DUSP22: variants seen among roughly 807,000 people sequenced by gnomAD.
DUSP22 encodes the protein dual specificity phosphatase 22, also known as dual specificity protein phosphatase 22.
DUSP22 carries 24 observed loss-of-function variants against 24.5 expected under a neutral mutation model. The ratio of observed to expected loss-of-function variants is 0.98; its 90% CI spans 0.71 to 1.38. DUSP22 has a LOEUF of 1.38. Among genes scored for constraint, DUSP22 ranks in the 40% most tolerant of loss-of-function variants. The pLI, the probability that DUSP22 is intolerant of heterozygous loss-of-function variation, is 0.00. For missense variants in DUSP22, 330 were observed against 269.2 expected (o/e 1.23, Z -1.58); for synonymous variants, 160 against 106.4 (o/e 1.50, Z -3.10).
chr6:336,349 A>G (rs1188494827), intron 4 of DUSP22, among the ~76,000 whole-genome samples: 1 of 152,298 alleles, frequency 6.6e-6, no homozygotes, highest in Non-Finnish European at 1.5e-5. Context: ...GCTCGTCTGG[A>G]TTCCCCTTTT....
chr6:332,016 G>T (rs1437509010), intron 3 of DUSP22, among the ~76,000 whole-genome samples: 1 of 152,302 alleles, frequency 6.6e-6, no homozygotes, highest in Non-Finnish European at 1.5e-5. Flanking sequence ...CGTGGTCACT[G>T]GCACAAATGA....
intron 3 of DUSP22, 131 bp downstream of exon 3, chr6:312,093 T>C: frequency 2.0e-6 from 2 of 1,023,786 alleles, no homozygotes; most frequent in South Asian, 1.7e-5. Flanking sequence ...GGCATTCCCA[T>C]TGTGTTCAGG....
intron 4 of DUSP22, among the ~76,000 whole-genome samples, chr6:340,115 A>G (rs1385569186): frequency 6.6e-6 from 1 of 152,312 alleles, no homozygotes; most frequent in South Asian, 2.1e-4. Flanking sequence ...AGTAAGTGGT[A>G]GAGAGGCCCT....
intron 1 of DUSP22, 152 bp downstream of exon 1, chr6:292,712 C>G: frequency 8.1e-7 from 1 of 1,242,010 alleles, no homozygotes; most frequent in Non-Finnish European, 1.1e-6. Context: ...GGGCGGCGAC[C>G]GCGGAGTCGG....
intron 3 of DUSP22, among the ~76,000 whole-genome samples, chr6:333,433 T>C (rs1444630504): frequency 1.3e-5 from 2 of 152,300 alleles, no homozygotes; most frequent in African/African-American, 2.4e-5. Context: ...GTACAGAAAC[T>C]GTGAGGGAGA....
intron 6 of DUSP22, 190 bp from the exon 7 acceptor site, chr6:348,579 A>T: frequency 9.7e-7 from 1 of 1,028,040 alleles, no homozygotes; most frequent in Non-Finnish European, 1.4e-6. Flanking sequence ...CTAGGCCAGC[A>T]CCTTGAAGGA....
chr6:349,378 A>G lies in DUSP22; in HGVS notation c.*427A>G, dbSNP rs746256305. 1.6e-4 allele frequency: 161 copies of G among 1,025,430 alleles called. No individual in the cohort carries two copies. Among genetic ancestry groups the G allele is most frequent in the Middle Eastern group, 9.5e-4 (2 of 2,114 alleles). 63.5% of individuals were successfully genotyped at this position (1,025,430 alleles called of 1,614,324 possible). On this transcript the variant is annotated 3_prime_UTR_variant, in exon 7 of 7. Transcript: ENST00000419235. ...CTTTCTTACTGCTGGAAGTCACAGAATTCATATTGCTGCCCGGGTTGGTGT... is the reference window on the plus strand; with the variant it reads ...CTTTCTTACTGCTGGAAGTCACAGAGTTCATATTGCTGCCCGGGTTGGTGT...
intron 1 of DUSP22, among the ~76,000 whole-genome samples, chr6:300,471 G>A (rs1178990347): frequency 6.6e-6 from 1 of 152,308 alleles, no homozygotes; most frequent in Non-Finnish European, 1.5e-5. Context: ...GAGGTAGGGA[G>A]CTCACTAGGA....
chr6:326,603 G>A lies in DUSP22; in HGVS notation c.139-8511G>A, dbSNP rs190670599. On this transcript the variant is annotated intron_variant, in intron 3 of 6. Transcript: ENST00000419235. ...GGGCTTCTGCGTCCTGGTGTGTGCA[G>A]TGCTGTATCTGCTGGTAATTATGCA... Among the ~76,000 whole-genome samples, 192 of 152,194 alleles carry A rather than the reference G, an allele frequency of 1.3e-3. No individual in the cohort carries two copies. The Middle Eastern group carries it at 0.014, about 11-fold the overall frequency.
chr6:316,409 T>G (rs1253618066), intron 3 of DUSP22, among the ~76,000 whole-genome samples: 1 of 152,312 alleles, frequency 6.6e-6, no homozygotes, highest in Non-Finnish European at 1.5e-5. Context: ...CTCCTTCGCC[T>G]GTTTCTGTGC....
intron 3 of DUSP22, among the ~76,000 whole-genome samples, chr6:315,186 A>C (rs1168832392): frequency 6.6e-6 from 1 of 152,308 alleles, no homozygotes; most frequent in African/African-American, 2.4e-5. Context: ...TTCCAGAATG[A>C]AGATCTTAGA....
At chr6:324,036 TGTTTTTG>T (rs1477440102) in intron 3 of DUSP22, among the ~76,000 whole-genome samples, 4 of 152,306 alleles carry the variant, frequency 2.6e-5, no homozygotes, top group Non-Finnish European at 5.9e-5. Flanking sequence ...CATTTCCAAG[TGTTTTTG>T]GTTTTTGGCT....
chr6:349,265 G>T lies in DUSP22; in HGVS notation c.*314G>T. On this transcript the variant is annotated 3_prime_UTR_variant, in exon 7 of 7. Coordinates refer to ENST00000419235, the MANE Select transcript of DUSP22 (RefSeq NM_001286555.3). ...TAAGTGGATGCATGTGTGTGCCTGT[G>T]TGAGTGAGGGTATGTGCACCTAAGT... 7.6e-7 allele frequency: 1 copy of T among 1,322,122 alleles called. No individual in the cohort carries two copies. Among genetic ancestry groups the T allele is most frequent in the Non-Finnish European group, 9.7e-7 (1 of 1,030,826 alleles). The allele number at this position is 1,322,122 out of a possible 1,614,324, so 81.9% of individuals were successfully genotyped here.
chr6:308,508 C>T (rs376231066), intron 2 of DUSP22, among the ~76,000 whole-genome samples: 4 of 152,286 alleles, frequency 2.6e-5, no homozygotes, highest in Admixed American at 6.5e-5. Context: ...TGCTAGCGTG[C>T]GGTGAGGAAG....
At position 349,325 on chromosome 6, in the gene DUSP22, C is replaced by T. The variant is rs1318660981; in HGVS notation, c.*374C>T. ...TGTGTATGTTGTGAAAGTGTCTGTG[C>T]ACATGAATGTTTGTGTGTGTGTGAA... is the stretch of plus-strand genomic sequence containing the variant. On this transcript the variant is annotated 3_prime_UTR_variant, in exon 7 of 7. Transcript: ENST00000419235. The T allele has an allele frequency of 2.1e-5, 23 of 1,094,596 alleles. No homozygotes were observed. The highest frequency in any genetic ancestry group is 6.6e-5 in the East Asian group (1 of 15,264). The allele number at this position is 1,094,596 out of a possible 1,614,324, so 67.8% of individuals were successfully genotyped here.
intron 3 of DUSP22, among the ~76,000 whole-genome samples, chr6:318,671 G>A (rs1047398564): frequency 1.1e-4 from 17 of 152,300 alleles, no homozygotes; most frequent in Admixed American, 2.6e-4. Flanking sequence ...GCTATAGGTT[G>A]CCCTTCTCCA....
chr6:326,250 C>T (rs1758865345), intron 3 of DUSP22: 1 of 219,534 alleles, frequency 4.6e-6, no homozygotes, highest in Non-Finnish European at 8.4e-6. Flanking sequence ...CTGCTGGTGC[C>T]TGGAGTCATC....
At chr6:344,098 G>A (rs533096541) in intron 4 of DUSP22, among the ~76,000 whole-genome samples, 6 of 152,420 alleles carry the variant, frequency 3.9e-5, no homozygotes, top group East Asian at 3.9e-4. Context: ...GGTTGGGAGC[G>A]CACCACAGTG....
At chr6:309,398 T>C (rs1324854645) in intron 2 of DUSP22, among the ~76,000 whole-genome samples, 2 of 152,290 alleles carry the variant, frequency 1.3e-5, no homozygotes, top group African/African-American at 4.8e-5. Flanking sequence ...TTGAAAACAA[T>C]AGCCCTAAAT....
Sources: allele counts gnomAD v4.1 joint callset (sites outside exome capture counted in the v4.1 genomes callset), GRCh38; gene constraint gnomAD v4.1.1; transcripts MANE v1.5; gene names NCBI Gene and HGNC (gene_info 2026-07-23, HGNC 2026-07-21).